Variants in MBOAT1 observed in about 807,000 individuals in gnomAD.
MBOAT1 encodes membrane bound glycerophospholipid O-acyltransferase 1, also known as membrane-bound glycerophospholipid O-acyltransferase 1.
MBOAT1 carries 67 observed loss-of-function variants against 64.4 expected under a neutral mutation model. The ratio of observed to expected loss-of-function variants is 1.04; its 90% CI spans 0.85 to 1.27. The LOEUF (loss-of-function observed/expected upper bound fraction) is 1.27. MBOAT1 is among the 50% of genes most tolerant of loss of function. The pLI is 0.00. For missense variants in MBOAT1, 563 were observed against 604.6 expected, an observed-to-expected ratio of 0.93 and a Z score of 0.72; for synonymous variants, 229 against 218.9, an observed-to-expected ratio of 1.05 and a Z score of -0.41.
At chr6:20,161,754 G>A (rs1040292787) in intron 1 of MBOAT1, among the ~76,000 whole-genome samples, 1 of 152,138 alleles carries the variant, frequency 6.6e-6, no homozygotes, top group Non-Finnish European at 1.5e-5. Context: ...TTCTCTTGTG[G>A]TATATTCCCC....
chr6:20,209,480 C>A (rs1395166612), intron 1 of MBOAT1, among the ~76,000 whole-genome samples: 1 of 152,090 alleles, frequency 6.6e-6, no homozygotes, highest in South Asian at 2.1e-4. Context: ...TCTTCACATA[C>A]GAAGCAGAAT....
intron 4 of MBOAT1, among the ~76,000 whole-genome samples, chr6:20,140,790 T>A (rs1413290391): frequency 6.6e-6 from 1 of 152,174 alleles, no homozygotes; most frequent in African/African-American, 2.4e-5. Context: ...CACATAAAAA[T>A]CCTATTGGTT....
chr6:20,208,453 A>AAAAAAAAAAAAAAAAAG (rs74329833), intron 1 of MBOAT1, among the ~76,000 whole-genome samples: 1 of 149,964 alleles, frequency 6.7e-6, no homozygotes. Context: ...CTCAAAAAAA[A>AAAAAAAAAAAAAAAAAG]AAAGAAACTT....
intron 1 of MBOAT1, among the ~76,000 whole-genome samples, chr6:20,197,996 C>T (rs1440444324): frequency 2.0e-5 from 3 of 151,524 alleles, no homozygotes; most frequent in Admixed American, 6.6e-5. Context: ...GAGTCTGAGG[C>T]GGGTGAAACA....
chr6:20,147,200 C>G (rs1030544949), intron 3 of MBOAT1, among the ~76,000 whole-genome samples: 2 of 152,220 alleles, frequency 1.3e-5, no homozygotes, highest in African/African-American at 4.8e-5. Context: ...TATAAATTAC[C>G]CAGTCTCAGG....
intron 12 of MBOAT1, among the ~76,000 whole-genome samples, chr6:20,108,060 C>G (rs1312529499): frequency 6.6e-6 from 1 of 152,188 alleles, no homozygotes; most frequent in African/African-American, 2.4e-5. Flanking sequence ...AGAATGCTGG[C>G]TTGGGGATAC....
At chr6:20,190,324 C>T (rs567539677) in intron 1 of MBOAT1, among the ~76,000 whole-genome samples, 28 of 152,086 alleles carry the variant, frequency 1.8e-4, no homozygotes, top group Non-Finnish European at 4.0e-4. Context: ...AAATACTATG[C>T]TTGTTTAAAA....
chr6:20,146,570 G>A (rs1761331317), intron 3 of MBOAT1, among the ~76,000 whole-genome samples: 1 of 152,200 alleles, frequency 6.6e-6, no homozygotes, highest in South Asian at 2.1e-4. Context: ...TCCAGCAACT[G>A]TTCCCTTTCT....
In MBOAT1 at chr6:20,100,793, C is replaced by A. The variant is rs573066963; in HGVS notation, c.*1493G>T. On this transcript the variant is annotated 3_prime_UTR_variant, in exon 13 of 13. Transcript: ENST00000324607. ...AATAAATTTTCTTCTCCCAAGCAAT[C>A]TGATTGGCAGTACACCATTGCAGCA... Among the ~76,000 whole-genome samples the A allele has an allele frequency of 6.6e-4, 101 of 152,318 alleles. No individual in the cohort carries two copies. The highest frequency in any genetic ancestry group is 2.0e-3 in the Admixed American group (31 of 15,306).
chr6:20,190,784 T>C (rs1762780659), intron 1 of MBOAT1, among the ~76,000 whole-genome samples: 1 of 152,144 alleles, frequency 6.6e-6, no homozygotes, highest in African/African-American at 2.4e-5. Context: ...TTCGGGCAGA[T>C]AGGTAGGGAT....
At chr6:20,208,379 G>A (rs1044147269) in intron 1 of MBOAT1, among the ~76,000 whole-genome samples, 1 of 142,822 alleles carries the variant, frequency 7.0e-6, no homozygotes, top group Non-Finnish European at 1.5e-5. Context: ...CTGGGAGGCG[G>A]AGGTTGCACT....
rs184377291 is a variant in MBOAT1 at position 20,128,683 on chromosome 6, G to A, written c.530+16C>T. 13,238 of 1,600,310 alleles carry A rather than the reference G, an allele frequency of 8.3e-3. 77 individuals are homozygous for A. The highest frequency in any genetic ancestry group is 9.8e-3 in the Non-Finnish European group (11,474 of 1,172,394). ...TATGCAAAGGGCTTGTTAATATATC[G>A]TTACACTTCACTTACTTGATAGCAA... On this transcript the variant is annotated intron_variant, in intron 6 of 12. Coordinates refer to ENST00000324607, the MANE Select transcript of MBOAT1 (RefSeq NM_001080480.3).
At chr6:20,174,459 G>T (rs997993616) in intron 1 of MBOAT1, among the ~76,000 whole-genome samples, 1 of 152,142 alleles carries the variant, frequency 6.6e-6, no homozygotes, top group African/African-American at 2.4e-5. Context: ...ACATAGAAAA[G>T]ATACAGTAAT....
rs1207551170 is a variant in MBOAT1, at chr6:20,193,644, G to A, written c.99+18492C>T. Among the ~76,000 whole-genome samples, 12 of 134,676 alleles carry A rather than the reference G, an allele frequency of 8.9e-5. No individual in the cohort carries two copies. The East Asian group carries it at 2.6e-3, about 29-fold the overall frequency. The allele number at this position is 134,676 out of a possible 152,430, so 88.4% of individuals were successfully genotyped here. ...TTTTTTAAAGATGGAGTCTCGCTCT[G>A]TCACCAGGCTGGAGTGCAGTGGCAC... On this transcript the variant is annotated intron_variant, in intron 1 of 12. Coordinates refer to ENST00000324607, the MANE Select transcript of MBOAT1 (RefSeq NM_001080480.3).
chr6:20,116,336 A>T (rs761568417), intron 9 of MBOAT1, among the ~76,000 whole-genome samples: 4 of 152,228 alleles, frequency 2.6e-5, no homozygotes, highest in East Asian at 1.9e-4. Flanking sequence ...CATCTCAAAA[A>T]AAAAATAAAA....
chr6:20,155,473 T>G (rs1243890777), intron 1 of MBOAT1, among the ~76,000 whole-genome samples: 1 of 152,192 alleles, frequency 6.6e-6, no homozygotes, highest in Admixed American at 6.5e-5. Context: ...AGAGAAGACT[T>G]ACATGCTCTG....
intron 1 of MBOAT1, 58 bp from the exon 2 acceptor site, chr6:20,152,827 G>GTTTGT (rs113824810): frequency 3.9e-5 from 57 of 1,479,766 alleles, no homozygotes; most frequent in Admixed American, 1.8e-4. Context: ...TGGTTTTTTT[G>GTTTGT]TTTGTTTTGT....
At chr6:20,197,865 C>T (rs530891274) in intron 1 of MBOAT1, among the ~76,000 whole-genome samples, 12 of 151,892 alleles carry the variant, frequency 7.9e-5, no homozygotes, top group Non-Finnish European at 1.8e-4. Flanking sequence ...GGTTCACATT[C>T]CACACCTGGC....
Position 20,101,886 on chromosome 6 carries a change from C to A in MBOAT1, c.*400G>T, listed in dbSNP as rs867310227. On this transcript the variant is annotated 3_prime_UTR_variant, in exon 13 of 13. Transcript: ENST00000324607. ...ATCCCAGCACTTTGGGAGGCCGAGG[C>A]GGGCGGATCACGAGGTCAGGAGATC... Among the ~76,000 whole-genome samples the A allele has an allele frequency of 6.6e-6, 1 of 151,858 alleles. No homozygotes were observed. The highest frequency in any genetic ancestry group is 1.5e-5 in the Non-Finnish European group (1 of 67,956).
Sources: allele counts gnomAD v4.1 joint callset (sites outside exome capture counted in the v4.1 genomes callset), GRCh38; gene constraint gnomAD v4.1.1; transcripts MANE v1.5; gene names NCBI Gene and HGNC (gene_info 2026-07-23, HGNC 2026-07-21).